USP7: variants seen among roughly 807,000 people sequenced by gnomAD.
USP7 encodes ubiquitin specific peptidase 7.
In USP7, 9 loss-of-function variants were observed where a neutral mutation model predicts 162.9. The ratio of observed to expected loss-of-function variants is 0.06; its 90% confidence interval spans 0.03 to 0.10. The LOEUF (loss-of-function observed/expected upper bound fraction) is 0.10. Ranked by LOEUF, USP7 falls within the 10% of genes least tolerant of loss-of-function variation. The pLI, the probability that USP7 is intolerant of heterozygous loss-of-function variation, is 1.00. For missense variants in USP7, 715 were observed against 1,373.7 expected (o/e 0.52, Z 7.58); for synonymous variants, 562 against 475.9 (o/e 1.18, Z -2.35).
chr16:8,961,305 C>G (rs1330500512), intron 1 of USP7, among the ~76,000 whole-genome samples: 1 of 151,974 alleles, frequency 6.6e-6, no homozygotes, highest in African/African-American at 2.4e-5. Flanking sequence ...CCAGCCTGAC[C>G]AACATGGAGA....
At chr16:8,894,918 G>A in intron 28 of USP7, 63 bp from the exon 29 acceptor site, 6 of 1,613,870 alleles carry the variant, frequency 3.7e-6, no homozygotes, top group Non-Finnish European at 5.1e-6. Flanking sequence ...CACGTCACGT[G>A]GCAGCCGCCA....
At chr16:8,904,332 T>C (rs540931976) in intron 15 of USP7, 103 bp downstream of exon 15, 1 of 1,541,332 alleles carries the variant, frequency 6.5e-7, no homozygotes. Context: ...TGCTGCATGG[T>C]GACCTGGGAG....
At chr16:8,963,086 G>T (rs1181327396) in intron 1 of USP7, 121 bp downstream of exon 1, 1 of 912,250 alleles carries the variant, frequency 1.1e-6, no homozygotes, top group Non-Finnish European at 1.4e-6. Context: ...GCCAGGCCGA[G>T]GCCCGGCGGC....
At chr16:8,898,837 G>T (rs1200485920) in intron 23 of USP7, 198 bp from the exon 24 acceptor site, 4 of 613,806 alleles carry the variant, frequency 6.5e-6, no homozygotes, top group Non-Finnish European at 1.1e-5. Context: ...CTCTGCAATA[G>T]TGACAAAACA....
chr16:8,914,811 G>A (rs1163178666), intron 10 of USP7, among the ~76,000 whole-genome samples: 1 of 152,144 alleles, frequency 6.6e-6, no homozygotes, highest in African/African-American at 2.4e-5. Context: ...CCCAGCCACT[G>A]GGGAAGCTGA....
chr16:8,922,155 G>A (rs564799487), intron 3 of USP7, among the ~76,000 whole-genome samples: 5 of 152,280 alleles, frequency 3.3e-5, no homozygotes, highest in Admixed American at 6.5e-5. Context: ...ACCATCCACA[G>A]GCCCTGGCTG....
chr16:8,963,296 G>A lies in USP7; in HGVS notation c.-11C>T. 4 of 1,237,516 alleles carry A rather than the reference G, an allele frequency of 3.2e-6. No homozygotes were observed. Among genetic ancestry groups the A allele is most frequent in the African/African-American group, 1.6e-5 (1 of 62,442 alleles). The allele number at this position is 1,237,516 out of a possible 1,614,324, so 76.7% of individuals were successfully genotyped here. On this transcript the variant is annotated 5_prime_UTR_variant, in exon 1 of 31. Transcript: ENST00000344836. Reference sequence around the variant, plus strand: ...CTGCTGGTGGTTCATGTCGGCCGCGGCCTGGGCCTCGCCTGCGGCCGGGGG... The same window carrying A: ...CTGCTGGTGGTTCATGTCGGCCGCGACCTGGGCCTCGCCTGCGGCCGGGGG...
At chr16:8,897,726 A>AAAAAAAAAATATAT (rs1555461671) in intron 25 of USP7, among the ~76,000 whole-genome samples, 1 of 7,138 alleles carries the variant, frequency 1.4e-4, no homozygotes, top group Admixed American at 3.2e-3. Context: ...AAAAAAAAAA[A>AAAAAAAAAATATAT]ATATATATAT....
At chr16:8,925,875 C>T (rs898811079) in intron 2 of USP7, among the ~76,000 whole-genome samples, 2 of 152,232 alleles carry the variant, frequency 1.3e-5, no homozygotes, top group South Asian at 4.1e-4. Flanking sequence ...TTTTACTAGG[C>T]CAGGTGCGGT....
At chr16:8,920,594 G>T in intron 4 of USP7, 147 bp from the exon 5 acceptor site, 2 of 696,136 alleles carry the variant, frequency 2.9e-6, no homozygotes, top group Non-Finnish European at 4.6e-6. Context: ...ATTTTAGACT[G>T]TTTCAATTTT....
At position 8,893,994 on chromosome 16, in the gene USP7, G is replaced by A. The variant is rs747295641; in HGVS notation, c.*4C>T. 53 of 1,613,776 alleles carry A rather than the reference G, an allele frequency of 3.3e-5. No homozygotes were observed. In the East Asian group the frequency reaches 1.1e-3, roughly 33 times the overall value. ...TCCTCGCCTTGAACACACCAGCTTG[G>A]AAATCAGTTATGGATTTTAATGGCC... On this transcript the variant is annotated 3_prime_UTR_variant, in exon 31 of 31. Transcript: ENST00000344836.
rs2141256741 is a variant in USP7 at position 8,947,214 on chromosome 16, A to G, written c.79+15993T>C. The stretch of plus-strand genomic sequence containing the variant: ...TACAACAGACAATAAAGAAATTTAC[A>G]AAAATGTAAAGCAATGCCATTCCTC... On this transcript the variant is annotated intron_variant, in intron 1 of 30. Coordinates refer to ENST00000344836, the MANE Select transcript of USP7 (RefSeq NM_003470.3). Among the ~76,000 whole-genome samples, 6 of 151,804 alleles carry G rather than the reference A, an allele frequency of 4.0e-5. No individual in the cohort carries two copies. The Middle Eastern group carries it at 0.017, about 430-fold the overall frequency.
chr16:8,915,118 A>G, intron 10 of USP7, 136 bp downstream of exon 10: 1 of 812,288 alleles, frequency 1.2e-6, no homozygotes, highest in Non-Finnish European at 1.9e-6. Context: ...GTGTTCACCC[A>G]GTGAGCTGTT....
At chr16:8,957,230 T>A (rs958086991) in intron 1 of USP7, among the ~76,000 whole-genome samples, 3 of 152,250 alleles carry the variant, frequency 2.0e-5, no homozygotes, top group Non-Finnish European at 4.4e-5. Context: ...CATAACTGAC[T>A]TTCTTGCCTA....
chr16:8,956,647 C>T (rs1309033773), intron 1 of USP7, among the ~76,000 whole-genome samples: 1 of 152,042 alleles, frequency 6.6e-6, no homozygotes, highest in Non-Finnish European at 1.5e-5. Flanking sequence ...GCCTGTAGTC[C>T]AGCTACTCGG....
chr16:8,963,849 C>T lies in USP7; in HGVS notation c.-564G>A, dbSNP rs1404112996. ...TCGTCGTCGGGGCTCCGGCAGCGGA[C>T]GCGGCGCCCGGCAGCTCGGCTCGGC... On this transcript the variant is annotated 5_prime_UTR_variant, in exon 1 of 31. Transcript: ENST00000344836. 6.8e-6 allele frequency among the ~76,000 whole-genome samples: 1 copy of T among 146,806 alleles called. No individual in the cohort carries two copies. Among genetic ancestry groups the T allele is most frequent in the African/African-American group, 2.4e-5 (1 of 40,900 alleles).
chr16:8,923,749 G>A (rs1189193109), intron 2 of USP7, among the ~76,000 whole-genome samples: 1 of 152,168 alleles, frequency 6.6e-6, no homozygotes, highest in East Asian at 1.9e-4. Flanking sequence ...ACCTTGGAGA[G>A]AAGGAACGAC....
At chr16:8,935,553 G>C (rs1047565155) in intron 1 of USP7, 2 of 152,150 alleles carry the variant, frequency 1.3e-5, no homozygotes, top group African/African-American at 4.8e-5. Flanking sequence ...AATAAGACTG[G>C]GGACATGTTT....
intron 5 of USP7, 137 bp from the exon 6 acceptor site, chr16:8,919,276 G>C: frequency 1.3e-6 from 1 of 779,374 alleles, no homozygotes; most frequent in South Asian, 1.6e-5. Flanking sequence ...TCCTTCAATG[G>C]TCACCGATTC....
Sources: allele counts gnomAD v4.1 joint callset (sites outside exome capture counted in the v4.1 genomes callset), GRCh38; gene constraint gnomAD v4.1.1; transcripts MANE v1.5; gene names NCBI Gene and HGNC (gene_info 2026-07-23, HGNC 2026-07-21).